RERE: variants seen among roughly 807,000 people sequenced by gnomAD.
RERE encodes arginine-glutamic acid dipeptide repeats, also known as arginine-glutamic acid dipeptide repeats protein.
RERE carries 40 observed loss-of-function variants against 146.1 expected under a neutral mutation model. That is an observed-to-expected ratio of 0.27 (90% CI 0.21 to 0.36). The LOEUF (loss-of-function observed/expected upper bound fraction) is 0.36, where lower values mean the gene tolerates loss of function less well. Ranked by LOEUF, RERE falls within the 10% of genes least tolerant of loss-of-function variation. RERE has a pLI of 1.00. For synonymous variants in RERE, 1,003 were observed against 866.0 expected (o/e 1.16, Z -2.78); for missense variants, 1,933 against 2,138.7 (o/e 0.90, Z 1.90).
intron 2 of RERE, among the ~76,000 whole-genome samples, chr1:8,653,234 A>T (rs891265024): frequency 1.3e-5 from 2 of 152,182 alleles, no homozygotes; most frequent in African/African-American, 4.8e-5. Context: ...GTCCCCACTG[A>T]CACCAGAATA....
chr1:8,397,757 T>G (rs1643105192), intron 12 of RERE, among the ~76,000 whole-genome samples: 1 of 152,250 alleles, frequency 6.6e-6, no homozygotes, highest in Non-Finnish European at 1.5e-5. Context: ...TCTTCTGATC[T>G]TTCCTGTTCT....
At chr1:8,681,911 G>GT in intron 1 of RERE, among the ~76,000 whole-genome samples, 1 of 152,262 alleles carries the variant, frequency 6.6e-6, no homozygotes, top group East Asian at 1.9e-4. Flanking sequence ...GGCAAATATA[G>GT]TAAGTCAACT....
intron 1 of RERE, among the ~76,000 whole-genome samples, chr1:8,716,301 A>T (rs1255906269): frequency 9.7e-5 from 2 of 20,618 alleles, no homozygotes; most frequent in African/African-American, 3.6e-4. Context: ...CATCTCTACA[A>T]AAAAAAAAAA....
At chr1:8,425,844 T>C (rs12045438) in intron 11 of RERE, 42,067 of 152,120 alleles carry the variant, frequency 0.28, 6,651 homozygotes, top group East Asian at 0.75. Context: ...ATTCAACCAA[T>C]AGTTACTAAG....
At chr1:8,440,744 A>G (rs911812495) in intron 11 of RERE, among the ~76,000 whole-genome samples, 1 of 148,722 alleles carries the variant, frequency 6.7e-6, no homozygotes, top group African/African-American at 2.5e-5. Context: ...AAAAAAAAAA[A>G]AATTAGCTGG....
intron 4 of RERE, among the ~76,000 whole-genome samples, chr1:8,604,787 A>T (rs1646682002): frequency 6.6e-6 from 1 of 152,234 alleles, no homozygotes; most frequent in African/African-American, 2.4e-5. Context: ...GTTTATGTTT[A>T]TAGAGAAATG....
rs181849695 is a variant in RERE at position 8,431,775 on chromosome 1, G to A, written c.1204-8968C>T. On this transcript the variant is annotated intron_variant, in intron 11 of 22. Coordinates refer to ENST00000400908, the MANE Select transcript of RERE (RefSeq NM_001042681.2). Reference sequence around the variant, plus strand: ...TTATAAAGTTTAAAATTAACCTCATGGGCCTAGCACCTCAAATCTCCCCCG... The same window carrying A: ...TTATAAAGTTTAAAATTAACCTCATAGGCCTAGCACCTCAAATCTCCCCCG... 7.4e-4 allele frequency among the ~76,000 whole-genome samples: 112 copies of A among 152,132 alleles called. 1 individual carries two copies. The highest frequency in any genetic ancestry group is 9.2e-4 in the African/African-American group (38 of 41,500).
intron 2 of RERE, among the ~76,000 whole-genome samples, chr1:8,652,725 C>T (rs898545885): frequency 1.3e-5 from 2 of 152,142 alleles, no homozygotes; most frequent in East Asian, 3.8e-4. Flanking sequence ...AACATGATGG[C>T]GGAAACTGCC....
intron 1 of RERE, among the ~76,000 whole-genome samples, chr1:8,736,646 T>C (rs1281744645): frequency 1.3e-5 from 2 of 152,144 alleles, no homozygotes; most frequent in Non-Finnish European, 2.9e-5. Flanking sequence ...ACCCTTGGCT[T>C]ATATCATAGA....
chr1:8,572,671 T>A (rs1166622627), intron 4 of RERE, among the ~76,000 whole-genome samples: 3 of 152,162 alleles, frequency 2.0e-5, no homozygotes, highest in Non-Finnish European at 4.4e-5. Flanking sequence ...GGTTGCTGAG[T>A]ATATAGAAGT....
intron 1 of RERE, among the ~76,000 whole-genome samples, chr1:8,697,427 C>G (rs1257379768): frequency 7.5e-6 from 1 of 132,934 alleles, no homozygotes; most frequent in Non-Finnish European, 1.6e-5. Flanking sequence ...GAGTCTCACT[C>G]TGTCCCCCAG....
chr1:8,367,171 A>G (rs1355664368), intron 12 of RERE, among the ~76,000 whole-genome samples: 7 of 152,200 alleles, frequency 4.6e-5, no homozygotes, highest in Non-Finnish European at 4.4e-5. Context: ...TGGAAGGACT[A>G]AAATAGACAA....
intron 4 of RERE, among the ~76,000 whole-genome samples, chr1:8,578,039 C>T (rs989085974): frequency 2.0e-5 from 3 of 150,540 alleles, no homozygotes; most frequent in Non-Finnish European, 3.0e-5. Context: ...TGCAGTGAGC[C>T]GAGTTTGCGC....
intron 12 of RERE, among the ~76,000 whole-genome samples, chr1:8,408,924 A>T (rs548224777): frequency 1.3e-5 from 2 of 152,306 alleles, no homozygotes; most frequent in Non-Finnish European, 2.9e-5. Context: ...GGGGTCCCCC[A>T]AACAAGTCTA....
chr1:8,672,115 C>CA (rs780026799), intron 1 of RERE, among the ~76,000 whole-genome samples: 10 of 151,984 alleles, frequency 6.6e-5, no homozygotes, highest in African/African-American at 1.4e-4. Flanking sequence ...CATATCTCCA[C>CA]AAAAAATAAA....
chr1:8,405,814 T>C (rs1028031874), intron 12 of RERE, among the ~76,000 whole-genome samples: 2 of 152,064 alleles, frequency 1.3e-5, no homozygotes, highest in African/African-American at 4.8e-5. Flanking sequence ...AATTTTTGTA[T>C]TTTTAGTAGA....
At chr1:8,693,872 A>G (rs1208938226) in intron 1 of RERE, among the ~76,000 whole-genome samples, 1 of 152,126 alleles carries the variant, frequency 6.6e-6, no homozygotes, top group East Asian at 1.9e-4. Flanking sequence ...TACTCAATTT[A>G]TCTGCAAACC....
At chr1:8,465,538 A>T (rs187878102) in intron 11 of RERE, 1 of 343,692 alleles carries the variant, frequency 2.9e-6, no homozygotes, top group African/African-American at 2.1e-5. Context: ...AATTATGATT[A>T]AAAAAAAGAC....
chr1:8,624,844 AG>A (rs1466636023), intron 2 of RERE, among the ~76,000 whole-genome samples: 1 of 152,254 alleles, frequency 6.6e-6, no homozygotes, highest in Non-Finnish European at 1.5e-5. Context: ...AAATACGCAA[AG>A]ATGACTAGCT....
Sources: allele counts gnomAD v4.1 joint callset (sites outside exome capture counted in the v4.1 genomes callset), GRCh38; gene constraint gnomAD v4.1.1; transcripts MANE v1.5; gene names NCBI Gene and HGNC (gene_info 2026-07-23, HGNC 2026-07-21).